Variants in KIRREL3 observed in about 807,000 individuals in gnomAD.
KIRREL3 encodes kin of IRRE-like protein 3.
A neutral mutation model predicts 89.7 loss-of-function variants in KIRREL3; 36 were observed. The observed-to-expected ratio is 0.40, with a 90% confidence interval of 0.31 to 0.53. The LOEUF is 0.53. KIRREL3 is among the 20% of genes least tolerant of loss of function. The pLI is 0.49. For synonymous variants in KIRREL3, 445 were observed against 441.4 expected, an observed-to-expected ratio of 1.01 and a Z score of -0.10; for missense variants, 864 against 1,056.6, an observed-to-expected ratio of 0.82 and a Z score of 2.53.
At chr11:126,959,259 T>G (rs1401377177) in intron 1 of KIRREL3, among the ~76,000 whole-genome samples, 2 of 152,190 alleles carry the variant, frequency 1.3e-5, no homozygotes, top group Non-Finnish European at 2.9e-5. Flanking sequence ...TAAACAGTAA[T>G]TCTCTTTCTC....
chr11:126,466,791 C>T lies in KIRREL3; in HGVS notation c.592-3484G>A, dbSNP rs117168807. 2.5e-4 allele frequency among the ~76,000 whole-genome samples: 38 copies of T among 152,302 alleles called. No homozygotes were observed. In the East Asian group the frequency reaches 6.4e-3, roughly 26 times the overall value. Reference sequence around the variant, plus strand: ...CCTTCACTGAGCTTGGCTCTGGGGACACACCATGGGCATTGAACCTCCCAC... The same window carrying T: ...CCTTCACTGAGCTTGGCTCTGGGGATACACCATGGGCATTGAACCTCCCAC... On this transcript the variant is annotated intron_variant, in intron 5 of 16. Coordinates refer to ENST00000525144, the MANE Select transcript of KIRREL3 (RefSeq NM_032531.4).
At position 126,747,114 on chromosome 11, in the gene KIRREL3, C is replaced by T. The variant is rs1949178613; in HGVS notation, c.56-184202G>A. ...CCTTTCCTAAAATGACTGGAATCGCCTCAGCTGTGTAGCTAACTTGTTTTC... is the reference window on the plus strand; with the variant it reads ...CCTTTCCTAAAATGACTGGAATCGCTTCAGCTGTGTAGCTAACTTGTTTTC... On this transcript the variant is annotated intron_variant, in intron 1 of 16. Transcript: ENST00000525144. This position sits in a 1 kb window ranked among gnomAD's most constrained non-coding sequence, Gnocchi z 4.7. Among the ~76,000 whole-genome samples the T allele has an allele frequency of 6.6e-6, 1 of 152,222 alleles. No homozygotes were observed. The highest frequency in any genetic ancestry group is 1.5e-5 in the Non-Finnish European group (1 of 68,038).
chr11:126,674,576 A>C (rs531007816), intron 1 of KIRREL3, among the ~76,000 whole-genome samples: 1 of 152,314 alleles, frequency 6.6e-6, no homozygotes, highest in Admixed American at 6.5e-5. Flanking sequence ...CAAGCAAGAA[A>C]TCATCCCCAA....
At chr11:126,875,040 C>G (rs571442237) in intron 1 of KIRREL3, among the ~76,000 whole-genome samples, 4 of 152,240 alleles carry the variant, frequency 2.6e-5, no homozygotes, top group African/African-American at 9.6e-5. Context: ...CTGTAGGGGG[C>G]TCCTCATCTC....
intron 2 of KIRREL3, among the ~76,000 whole-genome samples, chr11:126,529,773 T>C (rs1958886777): frequency 6.6e-6 from 1 of 152,112 alleles, no homozygotes. Context: ...AGTACTCTAA[T>C]TGACAATGTC....
At position 126,999,809 on chromosome 11, in the gene KIRREL3, C is replaced by G. The variant is rs1035537386; in HGVS notation, c.55+646G>C. Among the ~76,000 whole-genome samples the G allele has an allele frequency of 6.6e-6, 1 of 152,196 alleles. No individual in the cohort carries two copies. The highest frequency in any genetic ancestry group is 1.5e-5 in the Non-Finnish European group (1 of 68,042). On this transcript the variant is annotated intron_variant, in intron 1 of 16. Coordinates refer to ENST00000525144, the MANE Select transcript of KIRREL3 (RefSeq NM_032531.4). The surrounding 1 kb of genome is among the most constrained non-coding windows in gnomAD (Gnocchi z 5.7). ...TGCAGAAAGGAAACCATCAGCACCA[C>G]GGGCGAAATTTCATTTTATACCCTG... is the stretch of plus-strand genomic sequence containing the variant.
Position 126,558,643 on chromosome 11 carries a change from C to G in KIRREL3, c.133+4192G>C, listed in dbSNP as rs936804701. Among the ~76,000 whole-genome samples, 1 of 152,180 alleles carries G rather than the reference C, an allele frequency of 6.6e-6. No homozygotes were observed. The highest frequency in any genetic ancestry group is 2.4e-5 in the African/African-American group (1 of 41,442). On this transcript the variant is annotated intron_variant, in intron 2 of 16. Coordinates refer to ENST00000525144, the MANE Select transcript of KIRREL3 (RefSeq NM_032531.4). This position sits in a 1 kb window ranked among gnomAD's most constrained non-coding sequence, Gnocchi z 4.0. ...AGGTCTAACATAGAGGAGGCCTGAG[C>G]TCTCTGAGGCAGGCACAGCCCCTCC...
At chr11:126,712,630 CG>C (rs1291697350) in intron 1 of KIRREL3, among the ~76,000 whole-genome samples, 1 of 152,144 alleles carries the variant, frequency 6.6e-6, no homozygotes, top group Non-Finnish European at 1.5e-5. Flanking sequence ...TCACCCGCCA[CG>C]GCTTTTGTCC....
chr11:126,439,596 C>T (rs1277753643), intron 11 of KIRREL3, among the ~76,000 whole-genome samples: 7 of 150,902 alleles, frequency 4.6e-5, no homozygotes, highest in Admixed American at 3.3e-4. Context: ...GTAGGAGGAT[C>T]GATTGAGCCC....
chr11:126,453,400 G>A (rs1490194794), intron 7 of KIRREL3, among the ~76,000 whole-genome samples: 1 of 152,190 alleles, frequency 6.6e-6, no homozygotes, highest in African/African-American at 2.4e-5. Flanking sequence ...CAGGCACTGG[G>A]ATGGAGGAGG....
intron 1 of KIRREL3, among the ~76,000 whole-genome samples, chr11:126,855,051 C>T (rs1026674704): frequency 6.6e-6 from 1 of 152,204 alleles, no homozygotes; most frequent in Admixed American, 6.5e-5. Context: ...AGGCAGGAGT[C>T]ATCCCAGCGG....
intron 1 of KIRREL3, among the ~76,000 whole-genome samples, chr11:126,721,687 T>G (rs1009950665): frequency 1.3e-5 from 2 of 152,202 alleles, no homozygotes; most frequent in Non-Finnish European, 2.9e-5. Context: ...ATTTTGGATT[T>G]GCAGAGAGAA....
In KIRREL3 at chr11:126,771,414, G is replaced by A. The variant is rs545411249; in HGVS notation, c.56-208502C>T. 7.9e-5 allele frequency among the ~76,000 whole-genome samples: 12 copies of A among 152,180 alleles called. No homozygotes were observed. The South Asian group carries it at 2.3e-3, about 29-fold the overall frequency. On this transcript the variant is annotated intron_variant, in intron 1 of 16. Coordinates refer to ENST00000525144, the MANE Select transcript of KIRREL3 (RefSeq NM_032531.4). This position sits in a 1 kb window ranked among gnomAD's most constrained non-coding sequence, Gnocchi z 4.4. ...TGCTCCCTGCACTGTGCCCTGCCTGGAATCTCCTTCATGGTATTTAAAGCT... is the reference window on the plus strand; with the variant it reads ...TGCTCCCTGCACTGTGCCCTGCCTGAAATCTCCTTCATGGTATTTAAAGCT...
rs927453073 is a variant in KIRREL3, at chr11:126,991,709, G to A, written c.55+8746C>T. Among the ~76,000 whole-genome samples, 7 of 152,130 alleles carry A rather than the reference G, an allele frequency of 4.6e-5. No homozygotes were observed. Among genetic ancestry groups the A allele is most frequent in the African/African-American group, 1.4e-4 (6 of 41,410 alleles). On this transcript the variant is annotated intron_variant, in intron 1 of 16. Transcript: ENST00000525144. This position sits in a 1 kb window ranked among gnomAD's most constrained non-coding sequence, Gnocchi z 5.8. ...TGTTCGAAGGTCAGACCTGGGATTC[G>A]GATGCATGATTTTCATAGGAAACTC...
chr11:126,988,765 G>C (rs1156773419), intron 1 of KIRREL3, among the ~76,000 whole-genome samples: 1 of 152,226 alleles, frequency 6.6e-6, no homozygotes, highest in Non-Finnish European at 1.5e-5. Context: ...GATGGAATAA[G>C]GGAATGCATG....
intron 1 of KIRREL3, among the ~76,000 whole-genome samples, chr11:126,910,619 T>G (rs1210703154): frequency 6.6e-6 from 1 of 152,202 alleles, no homozygotes; most frequent in African/African-American, 2.4e-5. Context: ...AATAATAGTG[T>G]ATACGCATCA....
At chr11:126,720,619 G>A (rs948431397) in intron 1 of KIRREL3, among the ~76,000 whole-genome samples, 2 of 152,366 alleles carry the variant, frequency 1.3e-5, no homozygotes, top group Middle Eastern at 3.4e-3. Flanking sequence ...TGTAGGTGAA[G>A]ACATTCACCA....
chr11:126,721,297 G>A (rs745420705), intron 1 of KIRREL3, among the ~76,000 whole-genome samples: 3 of 152,142 alleles, frequency 2.0e-5, no homozygotes, highest in African/African-American at 4.8e-5. Flanking sequence ...TTGGGAGGCC[G>A]AGGTGGATGG....
At chr11:126,617,720 G>A (rs1943410642) in intron 1 of KIRREL3, among the ~76,000 whole-genome samples, 1 of 152,148 alleles carries the variant, frequency 6.6e-6, no homozygotes, top group African/African-American at 2.4e-5. Flanking sequence ...AGCAAGATAG[G>A]CATTTTTATC....
Sources: gnomAD v4.1 joint callset for allele counts (sites outside exome capture counted in the v4.1 genomes callset) on GRCh38, gnomAD v4.1.1 for gene constraint, Gnocchi (gnomAD v3.1) non-coding constraint, MANE v1.5 for transcripts, NCBI Gene and HGNC (gene_info 2026-07-23, HGNC 2026-07-21) for gene names.